Variants in GABRG2 observed in about 807,000 individuals in gnomAD.
GABRG2 encodes the protein gamma-aminobutyric acid type A receptor subunit gamma2.
A neutral mutation model predicts 56.4 loss-of-function variants in GABRG2; 16 were observed. The ratio of observed to expected loss-of-function variants is 0.28; its 90% CI spans 0.19 to 0.43. The LOEUF is 0.43. Ranked by LOEUF, GABRG2 falls within the 20% of genes least tolerant of loss-of-function variation. GABRG2 has a pLI of 1.00. For missense variants in GABRG2, 327 were observed against 582.7 expected (o/e 0.56, Z 4.52); for synonymous variants, 208 against 205.5 (o/e 1.01, Z -0.10).
At chr5:162,117,453 A>AT (rs1762695676) in intron 6 of GABRG2, among the ~76,000 whole-genome samples, 1 of 152,110 alleles carries the variant, frequency 6.6e-6, no homozygotes, top group Non-Finnish European at 1.5e-5. Context: ...GAAAAAAAAA[A>AT]TCCTTAATGT....
chr5:162,104,029 A>G lies in GABRG2; in HGVS notation c.769+3A>G. On this transcript the variant is annotated splice_donor_region_variant and intron_variant, in intron 6 of 9. Coordinates refer to ENST00000639213, the MANE Select transcript of GABRG2 (RefSeq NM_198904.4). The stretch of plus-strand genomic sequence containing the variant: ...CGAAGTAGTGAAGACAACTTCCGGT[A>G]AGATGCACTGGCAAAGAATTTCAAG... The G allele has an allele frequency of 6.2e-7, 1 of 1,613,938 alleles. No individual in the cohort carries two copies. The highest frequency in any genetic ancestry group is 8.5e-7 in the Non-Finnish European group (1 of 1,179,874).
chr5:162,095,495 T>C lies in GABRG2; in HGVS notation c.260T>C (p.Val87Ala), dbSNP rs1402790664. ...CACATTTCTATGTTTCTCTTTACAG[T>C]GAAGCCAACGTTAATTCACACAGAC... is the stretch of plus-strand genomic sequence containing the variant. Reference protein sequence around the residue: ...YDNKLRPDIGVKPTLIHTDMY... With the variant: ...YDNKLRPDIGAKPTLIHTDMY... Residue 87 changes from valine (V) to alanine (A), a missense_variant and splice_region_variant, in exon 3 of 10, where the codon GTG becomes GCG. Val to Ala is a moderately conservative substitution (Grantham distance 64). Coordinates refer to ENST00000639213, the MANE Select transcript of GABRG2 (RefSeq NM_198904.4). 1 of 1,598,862 alleles carries C rather than the reference T, an allele frequency of 6.3e-7. No individual in the cohort carries two copies. The highest frequency in any genetic ancestry group is 1.3e-5 in the African/African-American group (1 of 74,578).
chr5:162,104,063 C>T lies in GABRG2; in HGVS notation c.769+37C>T, dbSNP rs754639490. The T allele has an allele frequency of 1.0e-4, 168 of 1,610,844 alleles. 2 individuals are homozygous for T. The highest frequency in any genetic ancestry group is 9.7e-4 in the South Asian group (88 of 91,008). ...TGGCAAAGAATTTCAAGTGACCCTT[C>T]CAGAGTTGAAATTTTGGTATATATG... On this transcript the variant is annotated intron_variant, in intron 6 of 9. Coordinates refer to ENST00000639213, the MANE Select transcript of GABRG2 (RefSeq NM_198904.4).
chr5:162,104,851 C>A (rs1761684970), intron 6 of GABRG2, among the ~76,000 whole-genome samples: 1 of 152,050 alleles, frequency 6.6e-6, no homozygotes, highest in African/African-American at 2.4e-5. Flanking sequence ...CTCTGTCGGG[C>A]AAGTTAGATA....
chr5:162,125,347 T>C (rs1763261126), intron 6 of GABRG2, among the ~76,000 whole-genome samples: 1 of 151,792 alleles, frequency 6.6e-6, no homozygotes, highest in Non-Finnish European at 1.5e-5. Context: ...TTCTGTAGTG[T>C]CTGATTTTAA....
At chr5:162,136,896 C>A (rs1764174614) in intron 6 of GABRG2, among the ~76,000 whole-genome samples, 1 of 152,204 alleles carries the variant, frequency 6.6e-6, no homozygotes, top group South Asian at 2.1e-4. Flanking sequence ...CAGTGACTTT[C>A]TTGGCCTGAC....
intron 6 of GABRG2, among the ~76,000 whole-genome samples, chr5:162,126,463 G>A (rs1763347006): frequency 6.6e-6 from 1 of 152,092 alleles, no homozygotes; most frequent in South Asian, 2.1e-4. Context: ...TATATTAAGT[G>A]TGAGACTCCA....
At chr5:162,112,995 C>G (rs1417717070) in intron 6 of GABRG2, among the ~76,000 whole-genome samples, 1 of 151,970 alleles carries the variant, frequency 6.6e-6, no homozygotes, top group Non-Finnish European at 1.5e-5. Flanking sequence ...CTCTGTTACC[C>G]AGGCCGGAGT....
intron 8 of GABRG2, chr5:162,149,937 A>C (rs1004356026): frequency 9.5e-6 from 2 of 211,522 alleles, no homozygotes; most frequent in South Asian, 1.5e-4. Flanking sequence ...TAAATCACTG[A>C]TATTTTAAAT....
intron 1 of GABRG2, among the ~76,000 whole-genome samples, chr5:162,068,621 G>C (rs1322960133): frequency 6.6e-6 from 1 of 152,130 alleles, no homozygotes; most frequent in Non-Finnish European, 1.5e-5. Flanking sequence ...CAGTCAGCCA[G>C]GTTTTGCATC....
chr5:162,067,574 CT>C, upstream of GABRG2: 2 of 464,594 alleles, frequency 4.3e-6, no homozygotes, highest in Non-Finnish European at 3.8e-6. Context: ...GCTCTGCCCC[CT>C]GTAAAAGAAA....
Position 162,097,872 on chromosome 5 carries a change from A to G in GABRG2, c.548+14A>G, listed in dbSNP as rs1057521821. Reference sequence around the variant, plus strand: ...CTACACCCTAAGGTATTCTTTTGCAAAAGGAAAGGAGTAATTGTTAGGAAG... The same window carrying G: ...CTACACCCTAAGGTATTCTTTTGCAGAAGGAAAGGAGTAATTGTTAGGAAG... On this transcript the variant is annotated intron_variant, in intron 4 of 9. Coordinates refer to ENST00000639213, the MANE Select transcript of GABRG2 (RefSeq NM_198904.4). The G allele has an allele frequency of 6.3e-7, 1 of 1,595,102 alleles. No individual in the cohort carries two copies.
chr5:162,095,845 A>G (rs1364381147), intron 3 of GABRG2, among the ~76,000 whole-genome samples: 1 of 152,162 alleles, frequency 6.6e-6, no homozygotes, highest in East Asian at 1.9e-4. Flanking sequence ...GCTACTTACT[A>G]CAAAATAGGA....
At chr5:162,074,002 C>T (rs998277821) in intron 1 of GABRG2, among the ~76,000 whole-genome samples, 22 of 151,852 alleles carry the variant, frequency 1.4e-4, no homozygotes, top group African/African-American at 4.8e-4. Flanking sequence ...CTTTTTTTAT[C>T]TAAATGTAAG....
At chr5:162,146,378 A>T (rs1764950310) in intron 7 of GABRG2, among the ~76,000 whole-genome samples, 1 of 152,134 alleles carries the variant, frequency 6.6e-6, no homozygotes, top group East Asian at 1.9e-4. Flanking sequence ...TAATAATAAT[A>T]GTAATAATAA....
intron 6 of GABRG2, among the ~76,000 whole-genome samples, chr5:162,131,213 C>G (rs1763731497): frequency 6.6e-6 from 1 of 151,948 alleles, no homozygotes; most frequent in Non-Finnish European, 1.5e-5. Flanking sequence ...AATATGTGTA[C>G]TATAGACTAT....
chr5:162,142,262 T>A lies in GABRG2; in HGVS notation c.868T>A (p.Ser290Thr). 6.2e-7 allele frequency: 1 copy of A among 1,614,120 alleles called. No homozygotes were observed. Among genetic ancestry groups the A allele is most frequent in the Non-Finnish European group, 8.5e-7 (1 of 1,180,008 alleles). The change falls in exon 7 of 10, where the codon TCC (serine) becomes ACC (threonine). Residue 290 changes from serine to threonine, a missense_variant. By Grantham distance (58) the Ser-to-Thr change is moderately conservative. Around this residue, in one of 4 missense-constraint regions of GABRG2, gnomAD observed 42 missense variants for 156.9 expected, o/e 0.27. Coordinates refer to ENST00000639213, the MANE Select transcript of GABRG2 (RefSeq NM_198904.4). ...CCCCTGCACACTCATTGTCGTCCTATCCTGGGTGTCTTTCTGGATCAATAA... is the reference window on the plus strand; with the variant it reads ...CCCCTGCACACTCATTGTCGTCCTAACCTGGGTGTCTTTCTGGATCAATAA... ...YIPCTLIVVL[S>T]WVSFWINKDA...
chr5:162,151,736 C>T lies in GABRG2; in HGVS notation c.1135C>T (p.Arg379Trp), dbSNP rs747426141. Residue 379 changes from arginine to tryptophan, a missense_variant, in exon 9 of 10, where the codon CGG (arginine) becomes TGG (tryptophan). Transcript: ENST00000639213. ...TCTGTCTACAAACCCAAAGCTTCTT[C>T]GGATGTTTTCCTTCAAGGTATAATG... Reference protein sequence around the residue: ...KDKKKKNPLLRMFSFKAPTID... With the variant: ...KDKKKKNPLLWMFSFKAPTID... 6.8e-6 allele frequency: 11 copies of T among 1,610,296 alleles called. No homozygotes were observed. The highest frequency in any genetic ancestry group is 3.3e-5 in the South Asian group (3 of 90,400).
In GABRG2 at chr5:162,154,726, G is replaced by A. The variant is rs530406856; in HGVS notation, c.*1358G>A. ...TCAGTCCTTGCCCATCCACAATTTT[G>A]TTTGTGAACTTATAACAGGAATAAG... is the stretch of plus-strand genomic sequence containing the variant. On this transcript the variant is annotated 3_prime_UTR_variant, in exon 10 of 10. Transcript: ENST00000639213. The A allele has an allele frequency of 2.6e-5, 4 of 151,744 alleles. No homozygotes were observed. Among genetic ancestry groups the A allele is most frequent in the Admixed American group, 2.6e-4 (4 of 15,202 alleles). 9.4% of individuals were successfully genotyped at this position (151,744 alleles called of 1,614,324 possible).
Sources: allele counts gnomAD v4.1 joint callset (sites outside exome capture counted in the v4.1 genomes callset), GRCh38; gene constraint gnomAD v4.1.1; regional missense constraint gnomAD v4.1.1; transcripts MANE v1.5; gene names NCBI Gene and HGNC (gene_info 2026-07-23, HGNC 2026-07-21).